The following S100PBP variants were observed in gnomAD, a reference collection of about 807,000 sequenced individuals.
S100PBP encodes the protein S100P-binding protein.
S100PBP carries 15 observed loss-of-function variants against 39.9 expected under a neutral mutation model. The ratio of observed to expected loss-of-function variants is 0.38; its 90% CI spans 0.25 to 0.58. The LOEUF (loss-of-function observed/expected upper bound fraction) is 0.58, where lower values mean the gene tolerates loss of function less well. S100PBP is among the 20% of genes least tolerant of loss of function. The pLI is 0.70. For synonymous variants in S100PBP, 178 were observed against 180.3 expected, an observed-to-expected ratio of 0.99 and a Z score of 0.10; for missense variants, 504 against 487.3, an observed-to-expected ratio of 1.03 and a Z score of -0.32.
At chr1:32,832,467 A>G (rs944326699) in intron 5 of S100PBP, among the ~76,000 whole-genome samples, 7 of 152,140 alleles carry the variant, frequency 4.6e-5, no homozygotes, top group African/African-American at 1.7e-4. Context: ...CTTTTAGGGC[A>G]TTCATTTTTT....
Position 32,857,463 on chromosome 1 carries a change from A to G in S100PBP, c.*1425A>G, listed in dbSNP as rs1640862107. On this transcript the variant is annotated 3_prime_UTR_variant, in exon 7 of 7. Coordinates refer to ENST00000373475, the MANE Select transcript of S100PBP (RefSeq NM_022753.4). ...GTAGCTGTGATTACAGGCATGCGCC[A>G]CCATGCCTGGCTAATTTCATATTTT... is the stretch of plus-strand genomic sequence containing the variant. 6.6e-6 allele frequency: 1 copy of G among 152,128 alleles called. No homozygotes were observed. The highest frequency in any genetic ancestry group is 2.4e-5 in the African/African-American group (1 of 41,400). 9.4% of individuals were successfully genotyped at this position (152,128 alleles called of 1,614,324 possible).
chr1:32,836,099 T>A lies in S100PBP; in HGVS notation c.1024+6032T>A, dbSNP rs1038814904. ...ACCAACAGTGCACAAGAGTTCTAAT[T>A]TTTCCCCATCCTTGCCAGCACTTAT... On this transcript the variant is annotated intron_variant, in intron 5 of 6. Coordinates refer to ENST00000373475, the MANE Select transcript of S100PBP (RefSeq NM_022753.4). 3.9e-5 allele frequency: 6 copies of A among 152,220 alleles called. No individual in the cohort carries two copies. In the East Asian group the frequency reaches 9.6e-4, roughly 24 times the overall value. The allele number at this position is 152,220 out of a possible 1,614,324, so 9.4% of individuals were successfully genotyped here.
chr1:32,831,988 C>T lies in S100PBP; in HGVS notation c.1024+1921C>T, dbSNP rs571725037. ...CCTTTCCCAGTATTACCACAACAAT[C>T]TATATCCCATGAAGAATAGCTAGAA... On this transcript the variant is annotated intron_variant, in intron 5 of 6. Coordinates refer to ENST00000373475, the MANE Select transcript of S100PBP (RefSeq NM_022753.4). 2.6e-5 allele frequency among the ~76,000 whole-genome samples: 4 copies of T among 152,306 alleles called. No individual in the cohort carries two copies. The East Asian group carries it at 7.7e-4, about 29-fold the overall frequency.
Position 32,856,074 on chromosome 1 carries a change from C to A in S100PBP, c.*36C>A. ...CCCATCAGCAATGAAGGTCCCTATC[C>A]AGGGTCCTGCTTGGAGCAGCATTTC... On this transcript the variant is annotated 3_prime_UTR_variant, in exon 7 of 7. Transcript: ENST00000373475. 1 of 1,333,476 alleles carries A rather than the reference C, an allele frequency of 7.5e-7. No individual in the cohort carries two copies. The highest frequency in any genetic ancestry group is 1.1e-6 in the Non-Finnish European group (1 of 926,328). 82.6% of individuals were successfully genotyped at this position (1,333,476 alleles called of 1,614,324 possible). A position where few individuals can be genotyped will look rare whatever the true frequency, so the allele number is the denominator to read the frequency against.
chr1:32,817,635 C>A (rs1638797510), upstream of S100PBP: 1 of 296,834 alleles, frequency 3.4e-6, no homozygotes, highest in Non-Finnish European at 6.6e-6. Flanking sequence ...TAAAATGGCG[C>A]AGGGGGCGGA....
At position 32,826,295 on chromosome 1, in the gene S100PBP, G is replaced by T; in HGVS notation, c.196G>T (p.Asp66Tyr). ...GATTGATGCACTGTTGAAGGAAGAT[G>T]ACCCATCATATGAGCAGTCTTCTGG... The part of the protein sequence containing the change: ...EEIDALLKED[D>Y]PSYEQSSGED... Residue 66 changes from aspartate (D) to tyrosine (Y), a missense_variant, in exon 3 of 7, where the codon GAC becomes TAC. Physicochemically the swap from Asp to Tyr is radical, Grantham distance 160 (BLOSUM62 -3). Coordinates refer to ENST00000373475, the MANE Select transcript of S100PBP (RefSeq NM_022753.4). 6.2e-7 allele frequency: 1 copy of T among 1,614,110 alleles called. No homozygotes were observed. The highest frequency in any genetic ancestry group is 1.1e-5 in the South Asian group (1 of 91,046).
chr1:32,817,162 G>A (rs1557472406), upstream of S100PBP: 13 of 1,613,838 alleles, frequency 8.1e-6, no homozygotes, highest in Non-Finnish European at 1.1e-5. Context: ...ATCCCCAACG[G>A]CGCATTTCCA....
chr1:32,854,944 T>C (rs1640764740), intron 6 of S100PBP, among the ~76,000 whole-genome samples: 1 of 152,200 alleles, frequency 6.6e-6, no homozygotes, highest in Admixed American at 6.5e-5. Context: ...CTCTATGACC[T>C]TGGGTAAATT....
intron 4 of S100PBP, among the ~76,000 whole-genome samples, chr1:32,828,476 A>G (rs1014456290): frequency 2.0e-5 from 3 of 152,138 alleles, no homozygotes; most frequent in African/African-American, 7.2e-5. Context: ...TGTCCCTCCC[A>G]ACTTGCATAC....
chr1:32,816,970 C>T (rs1338219718), upstream of S100PBP: 8 of 625,692 alleles, frequency 1.3e-5, no homozygotes, highest in Admixed American at 5.5e-5. Context: ...CACAAGACAA[C>T]TGGACGCAAG....
chr1:32,844,835 A>G (rs1177863171), intron 5 of S100PBP, among the ~76,000 whole-genome samples: 1 of 151,150 alleles, frequency 6.6e-6, no homozygotes, highest in Non-Finnish European at 1.5e-5. Flanking sequence ...CTATATATAT[A>G]TATCTTTTTT....
intron 3 of S100PBP, among the ~76,000 whole-genome samples, chr1:32,827,496 T>C (rs1639381895): frequency 6.6e-6 from 1 of 152,174 alleles, no homozygotes; most frequent in Admixed American, 6.5e-5. Flanking sequence ...TTCTTTTTTT[T>C]TTCTTGAGAT....
chr1:32,824,371 A>C (rs149968966), intron 1 of S100PBP, among the ~76,000 whole-genome samples: 22 of 152,298 alleles, frequency 1.4e-4, no homozygotes, highest in African/African-American at 5.3e-4. Flanking sequence ...TATGTGAAAT[A>C]CTAGCATTTT....
chr1:32,852,591 T>C (rs78519071), intron 5 of S100PBP, among the ~76,000 whole-genome samples: 4,180 of 152,272 alleles, frequency 0.027, 120 homozygotes, highest in African/African-American at 0.073. Flanking sequence ...TTAACTGTTA[T>C]CTTTTGGCAT....
chr1:32,847,386 G>C (rs6692551), intron 5 of S100PBP: 1 of 151,962 alleles, frequency 6.6e-6, no homozygotes, highest in Non-Finnish European at 1.5e-5. Context: ...CTCTTTCCTC[G>C]GGGATCACAA....
intron 4 of S100PBP, among the ~76,000 whole-genome samples, chr1:32,828,778 A>G (rs905639176): frequency 2.0e-5 from 3 of 152,286 alleles, no homozygotes; most frequent in Middle Eastern, 3.4e-3. Flanking sequence ...AGGTGGGCCA[A>G]TTGCTAGAAC....
chr1:32,833,484 C>T (rs927331174), intron 5 of S100PBP, among the ~76,000 whole-genome samples: 2 of 151,744 alleles, frequency 1.3e-5, no homozygotes, highest in Non-Finnish European at 2.9e-5. Flanking sequence ...GCCTCAGCCT[C>T]CTGAGTAGCT....
rs748271178 is a variant in S100PBP at position 32,826,092 on chromosome 1, C to T, written c.-2-6C>T. The T allele has an allele frequency of 2.8e-5, 44 of 1,579,318 alleles. No homozygotes were observed. The highest frequency in any genetic ancestry group is 3.8e-5 in the Non-Finnish European group (44 of 1,162,912). On this transcript the variant is annotated splice_region_variant and splice_polypyrimidine_tract_variant and intron_variant, in intron 2 of 6. Coordinates refer to ENST00000373475, the MANE Select transcript of S100PBP (RefSeq NM_022753.4). ...TCCTCAGTGAAATTGTCTCTTATTT[C>T]TCCAGAAATGATGTGCTCACGGGTG...
In S100PBP at chr1:32,853,017, T is replaced by G. The variant is rs953026687; in HGVS notation, c.1025-62T>G. The G allele has an allele frequency of 9.7e-6, 11 of 1,128,856 alleles. No homozygotes were observed. The African/African-American group carries it at 1.5e-4, about 16-fold the overall frequency. The allele number at this position is 1,128,856 out of a possible 1,614,324, so 69.9% of individuals were successfully genotyped here. A position where few individuals can be genotyped will look rare whatever the true frequency, so the allele number is the denominator to read the frequency against. Reference sequence around the variant, plus strand: ...TTTCTCTTTCCCTGAAAACACATACTTTGACGTTGGCTGACGTAGTTCACT... The same window carrying G: ...TTTCTCTTTCCCTGAAAACACATACGTTGACGTTGGCTGACGTAGTTCACT... On this transcript the variant is annotated intron_variant, in intron 5 of 6. Transcript: ENST00000373475.
Sources: allele counts gnomAD v4.1 joint callset (sites outside exome capture counted in the v4.1 genomes callset), GRCh38; gene constraint gnomAD v4.1.1; transcripts MANE v1.5; gene names NCBI Gene and HGNC (gene_info 2026-07-23, HGNC 2026-07-21).